The following SAMD8 variants were observed in gnomAD, a reference collection of about 807,000 sequenced individuals.
SAMD8 encodes sphingomyelin synthase-related protein 1.
A neutral mutation model predicts 42.0 loss-of-function variants in SAMD8; 20 were observed. The ratio of observed to expected loss-of-function variants is 0.48; its 90% CI spans 0.34 to 0.69. The LOEUF is 0.69. Ranked by LOEUF, SAMD8 falls within the 30% of genes least tolerant of loss-of-function variation. The pLI is 0.01. For missense variants in SAMD8, 328 were observed against 511.6 expected, an observed-to-expected ratio of 0.64 and a Z score of 3.46; for synonymous variants, 162 against 173.0, an observed-to-expected ratio of 0.94 and a Z score of 0.50.
At chr10:75,172,341 TG>T (rs1306411133) in intron 4 of SAMD8, among the ~76,000 whole-genome samples, 1 of 152,098 alleles carries the variant, frequency 6.6e-6, no homozygotes, top group Non-Finnish European at 1.5e-5. Flanking sequence ...TTTTAGTCAT[TG>T]TTTTTTTAAG....
At chr10:75,152,485 G>A (rs1377055463) in intron 2 of SAMD8, among the ~76,000 whole-genome samples, 2 of 142,448 alleles carry the variant, frequency 1.4e-5, no homozygotes, top group Non-Finnish European at 1.5e-5. Flanking sequence ...TCCCGCCACT[G>A]CACTCCAGCC....
chr10:75,174,137 G>A (rs907088508), intron 4 of SAMD8, among the ~76,000 whole-genome samples: 8 of 151,958 alleles, frequency 5.3e-5, no homozygotes, highest in Non-Finnish European at 1.2e-4. Context: ...TTTTTGAGAC[G>A]GAGTCTCGCT....
intron 4 of SAMD8, among the ~76,000 whole-genome samples, chr10:75,173,625 C>G (rs528773137): frequency 6.6e-6 from 1 of 152,262 alleles, no homozygotes; most frequent in South Asian, 2.1e-4. Context: ...TAATATATCT[C>G]TAAGCCCGTG....
chr10:75,117,514 A>G (rs1848913715), intron 1 of SAMD8, among the ~76,000 whole-genome samples: 1 of 152,110 alleles, frequency 6.6e-6, no homozygotes, highest in Non-Finnish European at 1.5e-5. Flanking sequence ...CAGGAGTTCA[A>G]GACCACCCTG....
At chr10:75,111,848 C>G (rs1384862203) in intron 1 of SAMD8, 126 bp downstream of exon 1, 1 of 1,123,534 alleles carries the variant, frequency 8.9e-7, no homozygotes, top group African/African-American at 1.6e-5. Context: ...CCCGGGGAGA[C>G]GGTTGAGGGA....
Position 75,151,768 on chromosome 10 carries a change from C to T in SAMD8, c.578+662C>T, listed in dbSNP as rs183383408. On this transcript the variant is annotated intron_variant, in intron 2 of 5. Coordinates refer to ENST00000542569, the MANE Select transcript of SAMD8 (RefSeq NM_001174156.2). ...GTGGCATGATCTTGGCTCACTGCAACCTCCACCTCCCTGGTTCAAGCCATT... is the reference window on the plus strand; with the variant it reads ...GTGGCATGATCTTGGCTCACTGCAATCTCCACCTCCCTGGTTCAAGCCATT... Among the ~76,000 whole-genome samples, 517 of 152,226 alleles carry T rather than the reference C, an allele frequency of 3.4e-3. 2 individuals are homozygous for T. Among genetic ancestry groups the T allele is most frequent in the African/African-American group, 0.012 (479 of 41,538 alleles).
intron 1 of SAMD8, among the ~76,000 whole-genome samples, chr10:75,104,993 C>A (rs1269173387): frequency 6.6e-6 from 1 of 152,130 alleles, no homozygotes; most frequent in African/African-American, 2.4e-5. Flanking sequence ...TCACCCACCC[C>A]CAAATGGCAG....
intron 1 of SAMD8, among the ~76,000 whole-genome samples, chr10:75,130,154 A>G (rs1259812355): frequency 6.6e-6 from 1 of 152,118 alleles, no homozygotes; most frequent in Admixed American, 6.6e-5. Flanking sequence ...TAATGTCTTT[A>G]TATTAAACAG....
rs201689968 is a variant in SAMD8 at position 75,105,791 on chromosome 10, G to A, written c.-16+6063G>A. On this transcript the variant is annotated intron_variant, in intron 1 of 3. Coordinates refer to the SAMD8 transcript ENST00000447533. ...ATCACCGCCTGGCGCAGGGACAGCCGCTGGTGCAGCATGAGGTAGGCCAGG... is the reference window on the plus strand; with the variant it reads ...ATCACCGCCTGGCGCAGGGACAGCCACTGGTGCAGCATGAGGTAGGCCAGG... 24 of 1,550,878 alleles carry A rather than the reference G, an allele frequency of 1.5e-5. 1 individual carries two copies. The highest frequency in any genetic ancestry group is 8.3e-5 in the South Asian group (7 of 84,046).
intron 1 of SAMD8, among the ~76,000 whole-genome samples, chr10:75,100,286 C>T (rs1000827471): frequency 6.6e-6 from 1 of 152,172 alleles, no homozygotes; most frequent in Admixed American, 6.5e-5. Flanking sequence ...ACGGGGCTCT[C>T]CCCTGGACTT....
At chr10:75,145,104 C>T (rs911986535) in intron 1 of SAMD8, among the ~76,000 whole-genome samples, 2 of 152,026 alleles carry the variant, frequency 1.3e-5, no homozygotes, top group South Asian at 2.1e-4. Context: ...TTATCTATTT[C>T]CTTTTTTGTT....
chr10:75,101,828 C>T, intron 1 of SAMD8: 1 of 1,337,458 alleles, frequency 7.5e-7, no homozygotes, highest in African/African-American at 1.5e-5. Context: ...TGCTCAGGGA[C>T]CACATCCTAC....
chr10:75,169,487 C>CAAAG (rs146643164), intron 4 of SAMD8, among the ~76,000 whole-genome samples: 519 of 150,908 alleles, frequency 3.4e-3, no homozygotes, highest in Middle Eastern at 6.9e-3. Flanking sequence ...GTCTCAAAAA[C>CAAAG]AAAGAAAGAA....
intron 1 of SAMD8, among the ~76,000 whole-genome samples, chr10:75,144,343 T>C (rs1840088929): frequency 6.7e-6 from 1 of 149,192 alleles, no homozygotes; most frequent in South Asian, 2.1e-4. Flanking sequence ...CATCCATCTT[T>C]AGAACTTTTA....
chr10:75,136,306 A>G lies in SAMD8; in HGVS notation c.-15-14208A>G, dbSNP rs185266532. Among the ~76,000 whole-genome samples the G allele has an allele frequency of 1.3e-3, 199 of 152,328 alleles. 4 individuals are homozygous for G. Among genetic ancestry groups the G allele is most frequent in the African/African-American group, 4.3e-3 (180 of 41,580 alleles). Reference sequence around the variant, plus strand: ...TACTTGGTTGAGAAAAAATAATTGAATAGCTTTTTGAAATAAAACATGTCA... The same window carrying G: ...TACTTGGTTGAGAAAAAATAATTGAGTAGCTTTTTGAAATAAAACATGTCA... On this transcript the variant is annotated intron_variant, in intron 1 of 5. Transcript: ENST00000542569.
chr10:75,150,475 C>G lies in SAMD8; in HGVS notation c.-15-39C>G, dbSNP rs1840261633. 1.9e-6 allele frequency: 3 copies of G among 1,555,196 alleles called. No individual in the cohort carries two copies. In the South Asian group the frequency reaches 3.8e-5, roughly 20 times the overall value. On this transcript the variant is annotated intron_variant, in intron 1 of 5. Transcript: ENST00000542569. ...TCTTTGAAGAAATTGTTAGGACATA[C>G]TGAAGCTTTTGTTTTGTTTTCCTGT...
upstream of SAMD8, among the ~76,000 whole-genome samples, chr10:75,107,345 A>AG (rs1437078272): frequency 6.6e-6 from 1 of 150,762 alleles, no homozygotes; most frequent in Admixed American, 6.6e-5. Flanking sequence ...ACTCTGTCTC[A>AG]GAAAAAAAAA....
intron 1 of SAMD8, among the ~76,000 whole-genome samples, chr10:75,106,035 AGATCAACACCTGTTCTGCCTACCCTTGG>A (rs1275601183): frequency 2.0e-5 from 3 of 151,794 alleles, no homozygotes; most frequent in African/African-American, 7.3e-5. Flanking sequence ...TAAAATGGGT[AGATCAACACCTGTTCTGCCTACCCTTGG>A]GATAGGGTCC....
At chr10:75,152,195 C>G (rs373889259) in intron 2 of SAMD8, among the ~76,000 whole-genome samples, 1 of 151,424 alleles carries the variant, frequency 6.6e-6, no homozygotes, top group South Asian at 2.1e-4. Flanking sequence ...ATATTGAATA[C>G]ATAAAAAAAT....
Sources: gnomAD v4.1 joint callset for allele counts (sites outside exome capture counted in the v4.1 genomes callset) on GRCh38, gnomAD v4.1.1 for gene constraint, MANE v1.5 for transcripts, NCBI Gene and HGNC (gene_info 2026-07-23, HGNC 2026-07-21) for gene names.